The following TRIM4 variants were observed in gnomAD, a reference collection of about 807,000 sequenced individuals.
TRIM4 encodes the protein E3 ubiquitin-protein ligase TRIM4.
Under a neutral mutation model 33.7 loss-of-function variants are expected in TRIM4, and 29 were observed. The ratio of observed to expected loss-of-function variants is 0.86; its 90% CI spans 0.64 to 1.17. The LOEUF (loss-of-function observed/expected upper bound fraction) is 1.17. TRIM4 is among the 50% of genes most tolerant of loss of function. The pLI, the probability that TRIM4 is intolerant of heterozygous loss-of-function variation, is 0.00. For synonymous variants in TRIM4, 224 were observed against 233.0 expected (o/e 0.96, Z 0.35); for missense variants, 554 against 593.7 (o/e 0.93, Z 0.69).
At position 99,891,815 on chromosome 7, in the gene TRIM4, C is replaced by T. The variant is rs1387687949; in HGVS notation, c.*348G>A. ...GAAGGAAATTTCAACAATTTCACAACGGCAACAAAAACTCTGTTTCTTCTA... is the reference window on the plus strand; with the variant it reads ...GAAGGAAATTTCAACAATTTCACAATGGCAACAAAAACTCTGTTTCTTCTA... On this transcript the variant is annotated 3_prime_UTR_variant, in exon 6 of 6. Coordinates refer to ENST00000349062, the MANE Select transcript of TRIM4 (RefSeq NM_033091.3). 1.5e-5 allele frequency: 3 copies of T among 200,210 alleles called. No homozygotes were observed. The highest frequency in any genetic ancestry group is 2.3e-5 in the African/African-American group (1 of 43,046). The allele number at this position is 200,210 out of a possible 1,614,324, so 12.4% of individuals were successfully genotyped here.
Position 99,892,694 on chromosome 7 carries a change from C to T in TRIM4, c.894G>A (p.Gln298=), listed in dbSNP as rs1042601439. ...DTAHPKLVFS[Q]EGRYVKNTAS... ...CTGTATTTTTCACGTATCTCCCTTC[C>T]TGGGAGAAGACGAGTTTGGGATGAG... The change falls in exon 6 of 6, where the codon CAG becomes CAA. Residue 298 remains glutamine (Q), a synonymous_variant. Coordinates refer to ENST00000349062, the MANE Select transcript of TRIM4 (RefSeq NM_033091.3). 6.2e-7 allele frequency: 1 copy of T among 1,613,974 alleles called. No homozygotes were observed. Among genetic ancestry groups the T allele is most frequent in the African/African-American group, 1.3e-5 (1 of 74,924 alleles).
At chr7:99,913,869 T>C (rs893937495) in intron 1 of TRIM4, among the ~76,000 whole-genome samples, 3 of 152,202 alleles carry the variant, frequency 2.0e-5, no homozygotes, top group African/African-American at 4.8e-5. Flanking sequence ...AGTTTCACTC[T>C]AGACCTTCAA....
intron 2 of TRIM4, among the ~76,000 whole-genome samples, chr7:99,909,101 G>A (rs1029532747): frequency 4.0e-5 from 6 of 149,440 alleles, no homozygotes; most frequent in Non-Finnish European, 8.9e-5. Flanking sequence ...TTCAGAACTC[G>A]TTTAGTTTTA....
chr7:99,907,015 T>G (rs1819321486), intron 3 of TRIM4, among the ~76,000 whole-genome samples: 1 of 152,104 alleles, frequency 6.6e-6, no homozygotes, highest in Non-Finnish European at 1.5e-5. Flanking sequence ...GGTCATGGGG[T>G]AAAAGTAAAG....
At chr7:99,916,794 A>AC (rs112374410) in intron 1 of TRIM4, 38 of 780,644 alleles carry the variant, frequency 4.9e-5, no homozygotes, top group African/African-American at 3.9e-4. Context: ...AACAAAAAAA[A>AC]CGATCATATC....
intron 1 of TRIM4, among the ~76,000 whole-genome samples, chr7:99,910,160 T>G (rs1288672532): frequency 6.6e-6 from 1 of 152,084 alleles, no homozygotes; most frequent in Non-Finnish European, 1.5e-5. Context: ...CTATATTGAG[T>G]TTTCCTGGTA....
At chr7:99,900,001 G>C (rs2151643934) in intron 5 of TRIM4, among the ~76,000 whole-genome samples, 2 of 152,284 alleles carry the variant, frequency 1.3e-5, no homozygotes, top group Middle Eastern at 6.8e-3. Context: ...GCCCAGGCTG[G>C]CCTCAAACTC....
intron 5 of TRIM4, among the ~76,000 whole-genome samples, chr7:99,896,389 A>T (rs1363819559): frequency 2.6e-5 from 4 of 152,200 alleles, no homozygotes; most frequent in Non-Finnish European, 5.9e-5. Flanking sequence ...TGTACAGAGG[A>T]TCAAGGCCCT....
chr7:99,894,586 G>A (rs1485707530), intron 5 of TRIM4, among the ~76,000 whole-genome samples: 1 of 151,802 alleles, frequency 6.6e-6, no homozygotes, highest in Non-Finnish European at 1.5e-5. Context: ...AGAATCACTT[G>A]AACCTGGGAG....
intron 1 of TRIM4, among the ~76,000 whole-genome samples, chr7:99,912,260 G>A (rs1471769636): frequency 1.3e-5 from 2 of 152,188 alleles, no homozygotes; most frequent in Non-Finnish European, 2.9e-5. Flanking sequence ...GCCAGGCACG[G>A]TGGCTCACGC....
intron 5 of TRIM4, among the ~76,000 whole-genome samples, chr7:99,897,169 TGAG>T (rs1288375555): frequency 6.6e-6 from 1 of 152,170 alleles, no homozygotes; most frequent in Non-Finnish European, 1.5e-5. Context: ...GCAGGGAGGA[TGAG>T]GACTGGGATG....
Position 99,892,050 on chromosome 7 carries a change from A to G in TRIM4, c.*113T>C. 1.1e-6 allele frequency: 1 copy of G among 947,560 alleles called. No homozygotes were observed. The highest frequency in any genetic ancestry group is 1.7e-5 in the South Asian group (1 of 57,698). 58.7% of individuals were successfully genotyped at this position (947,560 alleles called of 1,614,324 possible). On this transcript the variant is annotated 3_prime_UTR_variant, in exon 6 of 6. Transcript: ENST00000349062. ...GATACCAAACGGTACCGTTAGGGAGACCCAGAAGATGGACCATCCAGGATA... is the reference window on the plus strand; with the variant it reads ...GATACCAAACGGTACCGTTAGGGAGGCCCAGAAGATGGACCATCCAGGATA...
intron 5 of TRIM4, among the ~76,000 whole-genome samples, chr7:99,896,180 AGGTTTATG>A (rs1819012223): frequency 6.6e-6 from 1 of 151,838 alleles, no homozygotes; most frequent in African/African-American, 2.4e-5. Flanking sequence ...TAGTGGTTTA[AGGTTTATG>A]GTATCGTATG....
chr7:99,918,564 C>T (rs1393638307), intron 1 of TRIM4, among the ~76,000 whole-genome samples: 1 of 132,108 alleles, frequency 7.6e-6, no homozygotes, highest in Non-Finnish European at 1.5e-5. Flanking sequence ...GACTCCATCT[C>T]AGAAAAAAAA....
In TRIM4 at chr7:99,919,222, C is replaced by A. The variant is rs534067962; in HGVS notation, c.180G>T (p.Ala60=). The A allele has an allele frequency of 2.6e-6, 4 of 1,518,102 alleles. No individual in the cohort carries two copies. The highest frequency in any genetic ancestry group is 2.5e-5 in the South Asian group (2 of 80,090). 94.0% of individuals were successfully genotyped at this position (1,518,102 alleles called of 1,614,324 possible). A position where few individuals can be genotyped will look rare whatever the true frequency, so the allele number is the denominator to read the frequency against. ...PECRHPSAPA[A]LRPNWALARL... ...TGGCCAGGGCCCAGTTGGGTCGCAG[C>A]GCGGCGGGCGCCGATGGGTGCCGAC... The change falls in exon 1 of 6, where the codon GCG becomes GCT. Residue 60 remains alanine, a synonymous_variant. Transcript: ENST00000349062.
chr7:99,893,231 C>T (rs1285386084), intron 5 of TRIM4, among the ~76,000 whole-genome samples: 2 of 152,124 alleles, frequency 1.3e-5, no homozygotes, highest in Non-Finnish European at 2.9e-5. Flanking sequence ...CGTGCCACTG[C>T]ACTCCAGCCT....
At chr7:99,899,024 G>A (rs567070733) in intron 5 of TRIM4, among the ~76,000 whole-genome samples, 101 of 152,302 alleles carry the variant, frequency 6.6e-4, no homozygotes, top group African/African-American at 2.3e-3. Flanking sequence ...GGAAGTTGCA[G>A]AGAATGACGT....
At position 99,895,809 on chromosome 7, in the gene TRIM4, T is replaced by G. The variant is rs115819978; in HGVS notation, c.842-3063A>C. Among the ~76,000 whole-genome samples, 449 of 152,346 alleles carry G rather than the reference T, an allele frequency of 2.9e-3. 3 individuals carry two copies. Among genetic ancestry groups the G allele is most frequent in the African/African-American group, 0.01 (419 of 41,582 alleles). On this transcript the variant is annotated intron_variant, in intron 5 of 5. Transcript: ENST00000349062. The stretch of plus-strand genomic sequence containing the variant: ...ATAACATTCTTTATCTCTGGTAATA[T>G]CCTTTGCTCAGAAATCTACTTTGAT...
chr7:99,895,618 C>G (rs1818999806), intron 5 of TRIM4, among the ~76,000 whole-genome samples: 1 of 152,138 alleles, frequency 6.6e-6, no homozygotes, highest in South Asian at 2.1e-4. Context: ...CCTAATTATT[C>G]TAAAAATTAT....
Sources: allele counts gnomAD v4.1 joint callset (sites outside exome capture counted in the v4.1 genomes callset), GRCh38; gene constraint gnomAD v4.1.1; transcripts MANE v1.5; gene names NCBI Gene and HGNC (gene_info 2026-07-23, HGNC 2026-07-21).